KDM3B: variants seen among roughly 807,000 people sequenced by gnomAD.
KDM3B encodes lysine demethylase 3B, also known as lysine-specific demethylase 3B.
Under a neutral mutation model 170.0 loss-of-function variants are expected in KDM3B, and 10 were observed. That is an observed-to-expected ratio of 0.06 (90% CI 0.04 to 0.10). KDM3B has a LOEUF of 0.10. Among genes scored for constraint, KDM3B ranks in the 10% least tolerant of loss-of-function variants. KDM3B has a pLI of 1.00. For missense variants in KDM3B, 1,394 were observed against 2,195.2 expected (o/e 0.64, Z 7.29); for synonymous variants, 831 against 834.8 (o/e 1.00, Z 0.08).
chr5:138,409,914 C>A (rs923210968), intron 11 of KDM3B, among the ~76,000 whole-genome samples: 1 of 152,022 alleles, frequency 6.6e-6, no homozygotes, highest in Non-Finnish European at 1.5e-5. Flanking sequence ...ATGGAGAAAC[C>A]CTGTCTCTAC....
intron 16 of KDM3B, 37 bp from the exon 17 acceptor site, chr5:138,425,374 C>G (rs200785401): frequency 5.6e-6 from 9 of 1,596,378 alleles, no homozygotes; most frequent in Middle Eastern, 1.7e-4. Context: ...GAAGTTTTTC[C>G]TAGATTGCTC....
rs1326986696 is a variant in KDM3B at position 138,393,378 on chromosome 5, CA to C, written c.2831+9del. On this transcript the variant is annotated splice_region_variant and intron_variant, in intron 9 of 23. Coordinates refer to ENST00000314358, the MANE Select transcript of KDM3B (RefSeq NM_016604.4). ...CGTTTCTTTCACTTCCGGAGGTACC[CA>C]AACTCCTGTTTTCCTCCTTTGCTAG... 6.2e-7 allele frequency: 1 copy of C among 1,611,384 alleles called. No individual in the cohort carries two copies. The highest frequency in any genetic ancestry group is 8.5e-7 in the Non-Finnish European group (1 of 1,178,240).
intron 6 of KDM3B, 48 bp from the exon 7 acceptor site, chr5:138,385,973 TC>T: frequency 1.9e-6 from 3 of 1,548,688 alleles, no homozygotes; most frequent in Non-Finnish European, 2.6e-6. Flanking sequence ...TGTGTGGTAT[TC>T]ACAGGATGAA....
At chr5:138,367,478 T>A (rs538210415) in intron 1 of KDM3B, among the ~76,000 whole-genome samples, 263 of 152,306 alleles carry the variant, frequency 1.7e-3, no homozygotes, top group Non-Finnish European at 2.8e-3. Context: ...ATTTTATTTT[T>A]AAAAAACTTA....
At position 138,386,456 on chromosome 5, in the gene KDM3B, G is replaced by C. The variant is rs1340161628; in HGVS notation, c.1215G>C (p.Glu405Asp). Residue 405 changes from glutamate (E) to aspartate (D), a missense_variant, in exon 7 of 24, where the codon GAG becomes GAC. By Grantham distance (45) the Glu-to-Asp change is conservative. This residue lies in a region of KDM3B where 205 missense variants were observed against 227.6 expected (regional missense o/e 0.90). Transcript: ENST00000314358. ...APEVGGAENK[E>D]AGKTLEQVGQ... ...AGGTGGGTGGAGCCGAAAACAAAGA[G>C]GCAGGAAAAACACTGGAACAAGTTG... The C allele has an allele frequency of 2.5e-6, 4 of 1,614,144 alleles. No individual in the cohort carries two copies. Among genetic ancestry groups the C allele is most frequent in the Non-Finnish European group, 3.4e-6 (4 of 1,180,038 alleles).
chr5:138,401,135 G>A (rs1762682107), intron 11 of KDM3B, among the ~76,000 whole-genome samples: 2 of 152,006 alleles, frequency 1.3e-5, no homozygotes, highest in Non-Finnish European at 2.9e-5. Flanking sequence ...GCCGGGCATG[G>A]TGGCGCATAC....
chr5:138,435,148 T>C (rs562868948), intron 23 of KDM3B, among the ~76,000 whole-genome samples: 2 of 152,256 alleles, frequency 1.3e-5, no homozygotes, highest in South Asian at 2.1e-4. Flanking sequence ...AGGGAAAAAA[T>C]AGGCCATAAT....
At position 138,398,184 on chromosome 5, in the gene KDM3B, C is replaced by A; in HGVS notation, c.2838C>A (p.Ile946=). 6.2e-7 allele frequency: 1 copy of A among 1,610,666 alleles called. No individual in the cohort carries two copies. Residue 946 remains isoleucine, a synonymous_variant, in exon 10 of 24, where the codon ATC becomes ATA. Coordinates refer to ENST00000314358, the MANE Select transcript of KDM3B (RefSeq NM_016604.4). ...ACRFFHFRRL[I]FTRKGVLRVE... ...GTATTTGATCATGTCTCAGGTTGAT[C>A]TTCACTCGAAAAGGGGTACTCCGTG...
Position 138,391,286 on chromosome 5 carries a change from T to G in KDM3B, c.1654T>G (p.Ser552Ala). 6.2e-7 allele frequency: 1 copy of G among 1,614,192 alleles called. No homozygotes were observed. Among genetic ancestry groups the G allele is most frequent in the Non-Finnish European group, 8.5e-7 (1 of 1,180,040 alleles). The change falls in exon 8 of 24, where the codon TCT becomes GCT. Residue 552 changes from serine (S) to alanine (A), a missense_variant. By Grantham distance (99) the Ser-to-Ala change is moderately conservative. Transcript: ENST00000314358. This position sits in a 1 kb window ranked among gnomAD's most constrained non-coding sequence, Gnocchi z 5.0. ...TTCAGAGAGTTTGGCTGATGATTCT[T>G]CTAGTCGGGACTCATTCAAACAAAG... Reference protein sequence around the residue: ...TVSESLADDSSSRDSFKQSLE... With the variant: ...TVSESLADDSASRDSFKQSLE...
chr5:138,405,264 A>C (rs1328457284), intron 11 of KDM3B, among the ~76,000 whole-genome samples: 1 of 143,470 alleles, frequency 7.0e-6, no homozygotes, highest in Non-Finnish European at 1.5e-5. Flanking sequence ...GCTGGTCTTG[A>C]ACTCCTGATC....
intron 5 of KDM3B, among the ~76,000 whole-genome samples, chr5:138,380,406 A>G (rs566416320): frequency 1.7e-4 from 25 of 149,366 alleles, no homozygotes; most frequent in Non-Finnish European, 3.6e-4. Context: ...AGTAACAAAT[A>G]AGATCATATA....
At chr5:138,430,100 C>T in intron 21 of KDM3B, 135 bp downstream of exon 21, 5 of 1,387,846 alleles carry the variant, frequency 3.6e-6, no homozygotes, top group Non-Finnish European at 4.9e-6. Flanking sequence ...GGTGGAAAAG[C>T]CCAAAGGCTT....
At chr5:138,413,403 G>A (rs1209325456) in intron 11 of KDM3B, among the ~76,000 whole-genome samples, 3 of 151,222 alleles carry the variant, frequency 2.0e-5, no homozygotes, top group African/African-American at 4.9e-5. Context: ...AAAGAAAACC[G>A]GACAGTATCA....
intron 1 of KDM3B, among the ~76,000 whole-genome samples, chr5:138,366,167 G>A (rs999687019): frequency 1.3e-5 from 2 of 151,464 alleles, no homozygotes. Flanking sequence ...TTCCACATTA[G>A]TCTATTAGAT....
intron 7 of KDM3B, among the ~76,000 whole-genome samples, chr5:138,388,382 T>C (rs965518824): frequency 4.0e-5 from 6 of 151,598 alleles, no homozygotes; most frequent in South Asian, 2.1e-4. Flanking sequence ...CCTGTAATCC[T>C]AGCACTTTGG....
intron 1 of KDM3B, among the ~76,000 whole-genome samples, chr5:138,362,058 G>A (rs796530933): frequency 1.3e-5 from 2 of 152,224 alleles, no homozygotes; most frequent in African/African-American, 2.4e-5. Flanking sequence ...TGTGGCTCAC[G>A]CCTGTAATCC....
chr5:138,413,992 C>T (rs1763040201), intron 11 of KDM3B, among the ~76,000 whole-genome samples: 1 of 152,012 alleles, frequency 6.6e-6, no homozygotes, highest in African/African-American at 2.4e-5. Context: ...AATAGATAAA[C>T]AAGTTATGAT....
chr5:138,419,666 AAAATAT>A (rs1438357892), intron 14 of KDM3B, among the ~76,000 whole-genome samples: 2 of 113,898 alleles, frequency 1.8e-5, no homozygotes, highest in Admixed American at 9.7e-5. Context: ...AAAAAAAAAA[AAAATAT>A]ATATATATAT....
rs753187252 is a variant in KDM3B at position 138,386,562 on chromosome 5, C to T, written c.1321C>T (p.Leu441Phe). ...PNTVRISDTG[L>F]AAGTVPEKQK... ...CACAGTGAGGATCTCAGACACTGGC[C>T]TTGCAGCAGGGACTGTGCCAGAAAA... Residue 441 changes from leucine (L) to phenylalanine (F), a missense_variant, in exon 7 of 24, where the codon CTT becomes TTT. Around this residue, in one of 19 missense-constraint regions of KDM3B, gnomAD observed 205 missense variants for 227.6 expected, o/e 0.90. Transcript: ENST00000314358. The T allele has an allele frequency of 6.2e-7, 1 of 1,614,202 alleles. No individual in the cohort carries two copies. The highest frequency in any genetic ancestry group is 1.1e-5 in the South Asian group (1 of 91,084).
Sources: allele counts gnomAD v4.1 joint callset (sites outside exome capture counted in the v4.1 genomes callset), GRCh38; gene constraint gnomAD v4.1.1; regional missense constraint gnomAD v4.1.1; non-coding constraint Gnocchi (gnomAD v3.1); transcripts MANE v1.5; gene names NCBI Gene and HGNC (gene_info 2026-07-23, HGNC 2026-07-21).